Variants in RAB6A observed in about 807,000 individuals in gnomAD.
RAB6A encodes the protein ras-related protein Rab-6A.
A neutral mutation model predicts 32.3 loss-of-function variants in RAB6A; 8 were observed. The observed-to-expected ratio is 0.25, with a 90% CI of 0.15 to 0.45. The LOEUF (loss-of-function observed/expected upper bound fraction) is 0.45. Ranked by LOEUF, RAB6A falls within the 20% of genes least tolerant of loss-of-function variation. RAB6A has a pLI of 1.00. For synonymous variants in RAB6A, 73 were observed against 82.1 expected, an observed-to-expected ratio of 0.89 and a Z score of 0.60; for missense variants, 104 against 249.4, an observed-to-expected ratio of 0.42 and a Z score of 3.93.
At chr11:73,719,445 C>T (rs373364663) in intron 3 of RAB6A, among the ~76,000 whole-genome samples, 10 of 152,240 alleles carry the variant, frequency 6.6e-5, no homozygotes, top group Middle Eastern at 3.4e-3. Flanking sequence ...AGTGTGTGCG[C>T]GCACGCATGC....
At chr11:73,702,945 C>A (rs947368708) in intron 6 of RAB6A, among the ~76,000 whole-genome samples, 3 of 151,884 alleles carry the variant, frequency 2.0e-5, no homozygotes, top group Admixed American at 1.3e-4. Context: ...CAATCTCCGC[C>A]TCCTGGGTTC....
intron 6 of RAB6A, among the ~76,000 whole-genome samples, chr11:73,694,184 A>G (rs1945621162): frequency 6.6e-6 from 1 of 152,242 alleles, no homozygotes; most frequent in Non-Finnish European, 1.5e-5. Flanking sequence ...GCTAGGGTTA[A>G]GAACCAATGC....
At chr11:73,692,386 C>T (rs1019394121) in intron 6 of RAB6A, among the ~76,000 whole-genome samples, 1 of 150,562 alleles carries the variant, frequency 6.6e-6, no homozygotes, top group African/African-American at 2.4e-5. Flanking sequence ...GCCTGTAGTC[C>T]CAGCTACTAG....
intron 1 of RAB6A, among the ~76,000 whole-genome samples, chr11:73,734,259 G>A (rs765306852): frequency 1.6e-4 from 25 of 152,098 alleles, no homozygotes; most frequent in Non-Finnish European, 3.4e-4. Context: ...CTGGGTAGCT[G>A]AGATTACAGG....
At chr11:73,753,995 AGCACTCTTCTAAATGTTTT>A (rs1946707900) in intron 1 of RAB6A, among the ~76,000 whole-genome samples, 1 of 152,260 alleles carries the variant, frequency 6.6e-6, no homozygotes, top group African/African-American at 2.4e-5. Flanking sequence ...TCATGTGCCC[AGCACTCTTCTAAATGTTTT>A]GCATTATTTG....
intron 1 of RAB6A, among the ~76,000 whole-genome samples, chr11:73,757,094 C>CATACATACATATATATATATATAT (rs1219774899): frequency 4.3e-5 from 3 of 70,044 alleles, no homozygotes; most frequent in African/African-American, 1.7e-4. Flanking sequence ...CTTAAATATA[C>CATACATACATATATATATATATAT]ATACATATAT....
rs1377839094 is a variant in RAB6A, at chr11:73,716,232, A to G, written c.401+19T>C. On this transcript the variant is annotated intron_variant, in intron 5 of 7. Coordinates refer to ENST00000336083, the MANE Select transcript of RAB6A (RefSeq NM_198896.2). ...ATCACAGAAATCAAACATTACACAC[A>G]TATAAAATAACTCCATACCTCTTGT... 2.0e-6 allele frequency: 3 copies of G among 1,536,876 alleles called. No homozygotes were observed. Among genetic ancestry groups the G allele is most frequent in the Non-Finnish European group, 2.7e-6 (3 of 1,112,334 alleles).
intron 6 of RAB6A, among the ~76,000 whole-genome samples, chr11:73,700,506 C>T (rs993403852): frequency 1.0e-4 from 15 of 148,640 alleles, no homozygotes; most frequent in African/African-American, 3.7e-4. Flanking sequence ...ATTGCTTGAG[C>T]CCAGCAGTTC....
chr11:73,681,360 T>A (rs79523303), intron 6 of RAB6A, among the ~76,000 whole-genome samples: 2 of 152,310 alleles, frequency 1.3e-5, no homozygotes, highest in South Asian at 4.1e-4. Context: ...AACATCTGAG[T>A]TGAGATTTAA....
intron 5 of RAB6A, among the ~76,000 whole-genome samples, chr11:73,711,848 A>C (rs569490183): frequency 6.1e-4 from 93 of 152,360 alleles, no homozygotes; most frequent in African/African-American, 2.1e-3. Flanking sequence ...TTCTCAGTGC[A>C]GTTTCAATCA....
chr11:73,699,145 G>A (rs531545584), intron 6 of RAB6A, among the ~76,000 whole-genome samples: 70 of 152,240 alleles, frequency 4.6e-4, no homozygotes, highest in African/African-American at 1.6e-3. Context: ...GAGCCACTGC[G>A]CCAGGCCGAT....
intron 3 of RAB6A, among the ~76,000 whole-genome samples, chr11:73,720,044 G>A (rs1484090037): frequency 6.6e-6 from 1 of 151,910 alleles, no homozygotes; most frequent in Non-Finnish European, 1.5e-5. Flanking sequence ...TCAAAGTACT[G>A]CATTTAAGAT....
chr11:73,707,031 C>T (rs1367704944), intron 6 of RAB6A, among the ~76,000 whole-genome samples: 8 of 150,756 alleles, frequency 5.3e-5, no homozygotes, highest in African/African-American at 1.9e-4. Context: ...GGCAGGAGAG[C>T]TGCTTGAACC....
At chr11:73,754,934 AT>A (rs1946724098) in intron 1 of RAB6A, among the ~76,000 whole-genome samples, 1 of 149,770 alleles carries the variant, frequency 6.7e-6, no homozygotes, top group East Asian at 2.2e-4. Context: ...TATTATTATT[AT>A]TTTTTTGAGA....
intron 2 of RAB6A, among the ~76,000 whole-genome samples, chr11:73,723,809 G>T (rs553942108): frequency 1.3e-5 from 2 of 151,990 alleles, no homozygotes; most frequent in Admixed American, 6.6e-5. Context: ...AAAAAAACCA[G>T]GAAAAGGACA....
intron 2 of RAB6A, chr11:73,729,314 G>C (rs983519212): frequency 6.6e-6 from 1 of 152,224 alleles, no homozygotes; most frequent in African/African-American, 2.4e-5. Flanking sequence ...GGCCAAGCTG[G>C]TCTTGTACTC....
At chr11:73,716,112 C>T (rs1946048151) in intron 5 of RAB6A, 139 bp downstream of exon 5, 1 of 564,188 alleles carries the variant, frequency 1.8e-6, no homozygotes, top group South Asian at 2.6e-5. Flanking sequence ...ATTTGAGGTT[C>T]CCATGCTAAA....
In RAB6A at chr11:73,685,588, G is replaced by GAAAGTCTTTTTTTTTTTTTTTTT. The variant is rs1555054176; in HGVS notation, c.496-5869_496-5868insAAAAAAAAAAAAAAAAAGACTTT. On this transcript the variant is annotated intron_variant, in intron 6 of 7. Transcript: ENST00000336083. ...AAGTGTGAGCCACCACGCCCGGACT[G>GAAAGTCTTTTTTTTTTTTTTTTT]AAAGTAGCGACCAGGTGCGGTGCCT... is the stretch of plus-strand genomic sequence containing the variant. Among the ~76,000 whole-genome samples, 71 of 89,570 alleles carry GAAAGTCTTTTTTTTTTTTTTTTT rather than the reference G, an allele frequency of 7.9e-4. 19 individuals carry two copies. The highest frequency in any genetic ancestry group is 6.1e-3 in the Middle Eastern group (1 of 164). The allele number at this position is 89,570 out of a possible 152,430, so 58.8% of individuals were successfully genotyped here.
intron 6 of RAB6A, chr11:73,704,183 A>G (rs1565354609): frequency 4.6e-6 from 2 of 433,714 alleles, no homozygotes; most frequent in Non-Finnish European, 4.7e-6. Flanking sequence ...GGAGTTCAAG[A>G]CTAGCCTGGG....
Sources: allele counts gnomAD v4.1 joint callset (sites outside exome capture counted in the v4.1 genomes callset), GRCh38; gene constraint gnomAD v4.1.1; transcripts MANE v1.5; gene names NCBI Gene and HGNC (gene_info 2026-07-23, HGNC 2026-07-21).